WWOX: variants seen among roughly 807,000 people sequenced by gnomAD.
The protein encoded by WWOX is WW domain containing oxidoreductase, also known as WW domain-containing oxidoreductase.
In WWOX, 69 loss-of-function variants were observed where a neutral mutation model predicts 46.2. The ratio of observed to expected loss-of-function variants is 1.49; its 90% CI spans 1.23 to 1.82. The LOEUF (loss-of-function observed/expected upper bound fraction) is 1.82. Among genes scored for constraint, WWOX ranks in the 40% most tolerant of loss-of-function variants. The pLI, the probability that WWOX is intolerant of heterozygous loss-of-function variation, is 0.00. For synonymous variants in WWOX, 359 were observed against 202.6 expected, an observed-to-expected ratio of 1.77 and a Z score of -6.56; for missense variants, 919 against 542.6, an observed-to-expected ratio of 1.69 and a Z score of -6.89.
chr16:78,114,721 G>A (rs1264073764), intron 3 of WWOX, among the ~76,000 whole-genome samples: 2 of 147,690 alleles, frequency 1.4e-5, no homozygotes, highest in East Asian at 3.9e-4. Context: ...AGGATACATG[G>A]CAATAGTTAT....
chr16:78,424,801 CG>C, intron 6 of WWOX, 68 bp from the exon 7 acceptor site: 1 of 1,577,756 alleles, frequency 6.3e-7, no homozygotes. Flanking sequence ...CGTGGATTCC[CG>C]AAGGAGCATG....
At chr16:79,089,764 C>G (rs73575142) in intron 8 of WWOX, among the ~76,000 whole-genome samples, 273 of 152,302 alleles carry the variant, frequency 1.8e-3, no homozygotes, top group African/African-American at 5.8e-3. Flanking sequence ...CCTTGCAAAA[C>G]TTCATAGTGT....
At chr16:78,175,831 C>G (rs2035326655) in intron 5 of WWOX, among the ~76,000 whole-genome samples, 1 of 152,178 alleles carries the variant, frequency 6.6e-6, no homozygotes, top group South Asian at 2.1e-4. Flanking sequence ...ATCACAGGAT[C>G]CATGGCCTCA....
At chr16:78,339,150 TAAG>T (rs2080957662) in intron 5 of WWOX, among the ~76,000 whole-genome samples, 1 of 120,280 alleles carries the variant, frequency 8.3e-6, no homozygotes, top group Non-Finnish European at 2.0e-5. Flanking sequence ...TAATGATGTT[TAAG>T]AAGACAGTTT....
At chr16:79,042,495 C>T (rs573328183) in intron 8 of WWOX, among the ~76,000 whole-genome samples, 9 of 152,214 alleles carry the variant, frequency 5.9e-5, no homozygotes, top group South Asian at 2.1e-4. Context: ...TGATCCTATT[C>T]GCATGATAAA....
intron 8 of WWOX, among the ~76,000 whole-genome samples, chr16:79,179,571 A>G (rs953371346): frequency 6.6e-6 from 1 of 152,228 alleles, no homozygotes; most frequent in Non-Finnish European, 1.5e-5. Flanking sequence ...TGATGTTAGA[A>G]TCTAGGTGTG....
intron 8 of WWOX, among the ~76,000 whole-genome samples, chr16:78,628,105 C>G (rs1437744910): frequency 6.6e-6 from 1 of 152,136 alleles, no homozygotes; most frequent in Non-Finnish European, 1.5e-5. Context: ...AGTGGCCCTA[C>G]AGTGGAATGA....
intron 8 of WWOX, among the ~76,000 whole-genome samples, chr16:78,538,816 T>C (rs1343470931): frequency 6.6e-6 from 1 of 152,226 alleles, no homozygotes; most frequent in Non-Finnish European, 1.5e-5. Context: ...ATGTATAAAA[T>C]ATGTCACCTG....
At chr16:79,201,789 A>C (rs563321775) in intron 8 of WWOX, among the ~76,000 whole-genome samples, 1 of 108,478 alleles carries the variant, frequency 9.2e-6, no homozygotes, top group African/African-American at 3.1e-5. Flanking sequence ...GAAAACAAAA[A>C]GATAACTAAA....
chr16:78,387,804 C>T (rs1313660247), intron 6 of WWOX, among the ~76,000 whole-genome samples: 16 of 151,846 alleles, frequency 1.1e-4, no homozygotes, highest in Admixed American at 1.0e-3. Context: ...TGACTTGATT[C>T]AAACATGAGG....
chr16:78,637,330 T>C (rs2151669150), intron 8 of WWOX, among the ~76,000 whole-genome samples: 1 of 151,942 alleles, frequency 6.6e-6, no homozygotes, highest in South Asian at 2.1e-4. Flanking sequence ...TAATCCCAGC[T>C]ACTTGGAGGC....
chr16:79,182,039 T>A (rs1279678679), intron 8 of WWOX, among the ~76,000 whole-genome samples: 1 of 151,664 alleles, frequency 6.6e-6, no homozygotes, highest in Non-Finnish European at 1.5e-5. Context: ...TATCGTGTGC[T>A]GAAGGGTACC....
chr16:78,933,822 G>T (rs749981388), intron 8 of WWOX, among the ~76,000 whole-genome samples: 2 of 152,110 alleles, frequency 1.3e-5, no homozygotes, highest in Non-Finnish European at 2.9e-5. Context: ...TTCCTCCCAC[G>T]ACATTTGGGA....
chr16:79,054,732 G>A (rs925587906), intron 8 of WWOX, among the ~76,000 whole-genome samples: 3 of 152,138 alleles, frequency 2.0e-5, no homozygotes, highest in South Asian at 2.1e-4. Context: ...AAGGTGAGGC[G>A]AGAGGATTGT....
chr16:79,045,994 C>G (rs1055307403), intron 8 of WWOX, among the ~76,000 whole-genome samples: 8 of 151,492 alleles, frequency 5.3e-5, no homozygotes, highest in African/African-American at 1.7e-4. Flanking sequence ...TAGAGACGGG[C>G]TTTCACCATG....
At chr16:78,935,354 C>G (rs778460608) in intron 8 of WWOX, among the ~76,000 whole-genome samples, 5 of 152,260 alleles carry the variant, frequency 3.3e-5, no homozygotes, top group East Asian at 3.9e-4. Context: ...GGAACCAACT[C>G]AGATGTTCAT....
At position 78,949,305 on chromosome 16, in the gene WWOX, G is replaced by C. The variant is rs116199227; in HGVS notation, c.1057-262303G>C. Among the ~76,000 whole-genome samples, 1,445 of 152,220 alleles carry C rather than the reference G, an allele frequency of 9.5e-3. 21 individuals are homozygous for C. The highest frequency in any genetic ancestry group is 0.032 in the African/African-American group (1,333 of 41,538). Reference sequence around the variant, plus strand: ...CACAGCAACTGTGCCGTCGTGACTAGATACGTTTTTTTAAGGGGATGATAA... The same window carrying C: ...CACAGCAACTGTGCCGTCGTGACTACATACGTTTTTTTAAGGGGATGATAA... On this transcript the variant is annotated intron_variant, in intron 8 of 8. Coordinates refer to ENST00000566780, the MANE Select transcript of WWOX (RefSeq NM_016373.4).
intron 8 of WWOX, among the ~76,000 whole-genome samples, chr16:78,815,922 C>T (rs1354962347): frequency 1.3e-5 from 2 of 152,180 alleles, no homozygotes; most frequent in Admixed American, 1.3e-4. Context: ...CTCCCCAACC[C>T]ATTCACTGGC....
rs959041140 is a variant in WWOX at position 78,504,712 on chromosome 16, A to G, written c.1056+71960A>G. On this transcript the variant is annotated intron_variant, in intron 8 of 8. Transcript: ENST00000566780. ...TGGGAGAATTAATTCCAGTTTCTCA[A>G]TTGCAAAAGTGAGGCTGGTCATGGG... is the stretch of plus-strand genomic sequence containing the variant. Among the ~76,000 whole-genome samples, 13 of 152,240 alleles carry G rather than the reference A, an allele frequency of 8.5e-5. 1 individual carries two copies. The highest frequency in any genetic ancestry group is 5.8e-4 in the East Asian group (3 of 5,180).
Sources: allele counts gnomAD v4.1 joint callset (sites outside exome capture counted in the v4.1 genomes callset), GRCh38; gene constraint gnomAD v4.1.1; transcripts MANE v1.5; gene names NCBI Gene and HGNC (gene_info 2026-07-23, HGNC 2026-07-21).